The following AOX1 variants were observed in gnomAD, a reference collection of about 807,000 sequenced individuals.
The protein encoded by AOX1 is aldehyde oxidase 1.
A neutral mutation model predicts 169.5 loss-of-function variants in AOX1; 153 were observed. That is an observed-to-expected ratio of 0.90 (90% CI 0.79 to 1.03). AOX1 has a LOEUF of 1.03. Ranked by LOEUF, AOX1 falls within the 50% of genes least tolerant of loss-of-function variation. The pLI, the probability that AOX1 is intolerant of heterozygous loss-of-function variation, is 0.00. For synonymous variants in AOX1, 562 were observed against 581.9 expected (o/e 0.97, Z 0.49); for missense variants, 1,656 against 1,663.9 (o/e 1.00, Z 0.08).
chr2:200,636,928 C>A lies in AOX1; in HGVS notation c.2364C>A (p.Thr788=), dbSNP rs200153095. Residue 788 remains threonine, a synonymous_variant, in exon 22 of 35, where the codon ACC becomes ACA. Coordinates refer to ENST00000374700, the MANE Select transcript of AOX1 (RefSeq NM_001159.4). ...GTTCACAGGACATTGTTGCCTCAAC[C>A]TTGAAGCTCCCAGCTAACAAGGTCA... ...PKYIQDIVAS[T]LKLPANKVMC... The A allele has an allele frequency of 7.4e-6, 12 of 1,613,808 alleles. No individual in the cohort carries two copies. In the Admixed American group the frequency reaches 2.0e-4, roughly 27 times the overall value.
intron 8 of AOX1, among the ~76,000 whole-genome samples, 155 bp downstream of exon 8, chr2:200,604,252 GA>G (rs947004381): frequency 6.6e-6 from 1 of 152,232 alleles, no homozygotes; most frequent in Admixed American, 6.5e-5. Flanking sequence ...GACTAAGGAA[GA>G]GGAGGAGGAA....
At chr2:200,636,576 G>C (rs1480867236) in intron 21 of AOX1, among the ~76,000 whole-genome samples, 1 of 152,106 alleles carries the variant, frequency 6.6e-6, no homozygotes, top group Non-Finnish European at 1.5e-5. Context: ...GTGGTTCCTG[G>C]GGAAAATACA....
chr2:200,642,578 A>T, intron 24 of AOX1, 32 bp from the exon 25 acceptor site: 18 of 1,604,918 alleles, frequency 1.1e-5, no homozygotes, highest in Non-Finnish European at 1.4e-5. Context: ...GGTTCAGAAG[A>T]TCTTAATCAC....
chr2:200,678,242 A>G (rs201032369), downstream of AOX1: 1 of 152,210 alleles, frequency 6.6e-6, no homozygotes, highest in East Asian at 1.9e-4. Context: ...TTCAAATTTG[A>G]TCAAAGAACA....
chr2:200,650,983 A>G lies in AOX1; in HGVS notation c.2857A>G (p.Ile953Val). ...TCCTTTTCTTTCATAGGTGCGAATC[A>G]TAAACATGTACAAGGAAATTGATCA... ...CGLSPEKVRI[I>V]NMYKEIDQTP... Residue 953 changes from isoleucine to valine, a missense_variant, in exon 26 of 35, where the codon ATA becomes GTA. Coordinates refer to ENST00000374700, the MANE Select transcript of AOX1 (RefSeq NM_001159.4). 6.2e-7 allele frequency: 1 copy of G among 1,614,184 alleles called. No homozygotes were observed. Among genetic ancestry groups the G allele is most frequent in the South Asian group, 1.1e-5 (1 of 91,072 alleles).
intron 27 of AOX1, among the ~76,000 whole-genome samples, chr2:200,658,544 AAGCCATGCTGCT>A (rs2035740543): frequency 6.6e-6 from 1 of 152,230 alleles, no homozygotes; most frequent in Admixed American, 6.5e-5. Context: ...AAGCACTTTC[AAGCCATGCTGCT>A]AGCAGGAGAG....
rs541440382 is a variant in AOX1, at chr2:200,632,568, A to T, written c.2222-2223A>T. On this transcript the variant is annotated intron_variant, in intron 20 of 34. Transcript: ENST00000374700. ...AGAGGAGAAAGAAAGTCTATTGTAT[A>T]TACTGGTATTTTTATTATTTCTGTT... Among the ~76,000 whole-genome samples the T allele has an allele frequency of 2.0e-5, 3 of 152,126 alleles. No individual in the cohort carries two copies. The South Asian group carries it at 6.2e-4, about 32-fold the overall frequency.
chr2:200,642,622 G>A lies in AOX1; in HGVS notation c.2668G>A (p.Gly890Arg). The change falls in exon 25 of 35, where the codon GGA becomes AGA. Residue 890 changes from glycine to arginine, a missense_variant. Coordinates refer to ENST00000374700, the MANE Select transcript of AOX1 (RefSeq NM_001159.4). ...TGGATTTCTCCAGGTGATAGAAATG[G>A]GACTTCTGAAAATGGACAATGCTTA... ...LDESLFVIEM[G>R]LLKMDNAYKF... 1 of 1,613,966 alleles carries A rather than the reference G, an allele frequency of 6.2e-7. No homozygotes were observed. The highest frequency in any genetic ancestry group is 8.5e-7 in the Non-Finnish European group (1 of 1,179,940).
At chr2:200,644,462 A>G (rs1444336763) in intron 25 of AOX1, among the ~76,000 whole-genome samples, 1 of 152,172 alleles carries the variant, frequency 6.6e-6, no homozygotes, top group East Asian at 1.9e-4. Flanking sequence ...GCCTTATAGT[A>G]TAGTTTGAAA....
At position 200,642,710 on chromosome 2, in the gene AOX1, C is replaced by A. The variant is rs1470559474; in HGVS notation, c.2756C>A (p.Ala919Asp). The change falls in exon 25 of 35, where the codon GCT (alanine) becomes GAT (aspartate). Residue 919 changes from alanine to aspartate, a missense_variant. Coordinates refer to ENST00000374700, the MANE Select transcript of AOX1 (RefSeq NM_001159.4). ...ACRTNLPSNT[A>D]FRGFGFPQAA... Reference sequence around the variant, plus strand: ...AGAACCAACCTTCCATCCAACACAGCTTTTCGTGGGTTTGGCTTTCCTCAG... The same window carrying A: ...AGAACCAACCTTCCATCCAACACAGATTTTCGTGGGTTTGGCTTTCCTCAG... 1.9e-6 allele frequency: 3 copies of A among 1,614,166 alleles called. No individual in the cohort carries two copies. The highest frequency in any genetic ancestry group is 1.3e-5 in the African/African-American group (1 of 75,058).
At chr2:200,615,386 A>G (rs10179330) in intron 15 of AOX1, among the ~76,000 whole-genome samples, 99,831 of 152,068 alleles carry the variant, frequency 0.66, 32,879 homozygotes, top group East Asian at 0.82. Flanking sequence ...CCCCCCATCC[A>G]GCTCTAGGCT....
At chr2:200,629,611 T>C (rs1032617056) in intron 20 of AOX1, among the ~76,000 whole-genome samples, 3 of 152,196 alleles carry the variant, frequency 2.0e-5, no homozygotes, top group Non-Finnish European at 4.4e-5. Context: ...AGGTAATTCT[T>C]AGGGCTAGTA....
intron 29 of AOX1, among the ~76,000 whole-genome samples, chr2:200,660,993 C>T (rs940678891): frequency 5.9e-5 from 9 of 152,156 alleles, no homozygotes; most frequent in African/African-American, 1.7e-4. Context: ...CCACTTTCTT[C>T]GCTAATGATT....
At chr2:200,654,043 C>G (rs1186177134) in intron 26 of AOX1, among the ~76,000 whole-genome samples, 2 of 151,976 alleles carry the variant, frequency 1.3e-5, no homozygotes, top group Non-Finnish European at 2.9e-5. Context: ...CCCTGAGACA[C>G]AATGATATTG....
intron 4 of AOX1, among the ~76,000 whole-genome samples, chr2:200,597,865 T>C (rs1051784783): frequency 3.9e-5 from 6 of 152,120 alleles, no homozygotes; most frequent in Non-Finnish European, 8.8e-5. Context: ...TCCCAACACT[T>C]TGGGAGGCCA....
chr2:200,655,087 C>G (rs996448428), intron 26 of AOX1, among the ~76,000 whole-genome samples: 2 of 152,208 alleles, frequency 1.3e-5, no homozygotes, highest in Non-Finnish European at 2.9e-5. Flanking sequence ...GCACACTTTG[C>G]GAGCCAAGGA....
Position 200,595,367 on chromosome 2 carries a change from AG to A in AOX1, c.200+1del. 6.2e-7 allele frequency: 1 copy of A among 1,610,688 alleles called. No individual in the cohort carries two copies. The highest frequency in any genetic ancestry group is 8.5e-7 in the Non-Finnish European group (1 of 1,177,820). ...SRYNPITKRI[R>X]HHPANACLIP... ...ATACAACCCCATCACCAAGAGGATA[AG>A]GTACCGTGCAGCAAAGTCCAGATAT... On this transcript the variant is annotated frameshift_variant and splice_region_variant, in exon 3 of 35. Coordinates refer to ENST00000374700, the MANE Select transcript of AOX1 (RefSeq NM_001159.4). LOFTEE classifies it high-confidence loss of function.
In AOX1 at chr2:200,599,634, G is replaced by C. The variant is rs1210714476; in HGVS notation, c.324G>C (p.Lys108Asn). The stretch of plus-strand genomic sequence containing the variant: ...TGTGCTTCCAGGAGAGGATTGCCAA[G>C]TGTCATGGCACCCAGTGTGGCTTCT... ...RIHPVQERIAKCHGTQCGFCT... is the reference protein window; with the variant it reads ...RIHPVQERIANCHGTQCGFCT... Residue 108 changes from lysine (K) to asparagine (N), a missense_variant, in exon 5 of 35, where the codon AAG becomes AAC. Lys to Asn is a moderately conservative substitution (Grantham distance 94, BLOSUM62 0). Coordinates refer to ENST00000374700, the MANE Select transcript of AOX1 (RefSeq NM_001159.4). The C allele has an allele frequency of 5.6e-6, 9 of 1,610,974 alleles. No homozygotes were observed. In the South Asian group the frequency reaches 9.9e-5, roughly 18 times the overall value.
chr2:200,598,099 C>G (rs137939746), intron 4 of AOX1, among the ~76,000 whole-genome samples: 4 of 149,852 alleles, frequency 2.7e-5, no homozygotes, highest in Admixed American at 2.7e-4. Context: ...TGAGTGAGAC[C>G]CTGTTGTAAG....
Sources: allele counts gnomAD v4.1 joint callset (sites outside exome capture counted in the v4.1 genomes callset), GRCh38; gene constraint gnomAD v4.1.1; transcripts MANE v1.5; gene names NCBI Gene and HGNC (gene_info 2026-07-23, HGNC 2026-07-21).